Variants in CCSER1 observed in about 807,000 individuals in gnomAD.
The protein encoded by CCSER1 is coiled-coil serine rich protein 1, also known as serine-rich coiled-coil domain-containing protein 1.
CCSER1 carries 41 observed loss-of-function variants against 82.0 expected under a neutral mutation model. That is an observed-to-expected ratio of 0.50 (90% CI 0.39 to 0.65). The LOEUF is 0.65. Ranked by LOEUF, CCSER1 falls within the 30% of genes least tolerant of loss-of-function variation. The probability of loss-of-function intolerance (pLI) is 0.00; values close to 1 mark genes in which losing one functional copy is unlikely to be tolerated. For missense variants in CCSER1, 1,119 were observed against 1,064.2 expected (o/e 1.05, Z -0.72); for synonymous variants, 414 against 383.9 (o/e 1.08, Z -0.92).
intron 10 of CCSER1, among the ~76,000 whole-genome samples, chr4:91,154,860 A>G (rs1045251307): frequency 5.3e-5 from 8 of 151,968 alleles, no homozygotes; most frequent in African/African-American, 1.4e-4. Context: ...GAACTGCTAC[A>G]TGTACTATAT....
chr4:90,196,656 TAC>T (rs34346681), intron 1 of CCSER1, among the ~76,000 whole-genome samples: 47,761 of 143,734 alleles, frequency 0.33, 9,513 homozygotes, highest in Non-Finnish European at 0.45. Flanking sequence ...CCTGCTCAGA[TAC>T]ACACACACAC....
intron 6 of CCSER1, among the ~76,000 whole-genome samples, chr4:90,696,751 G>A (rs143834125): frequency 1.6e-3 from 250 of 152,136 alleles, no homozygotes; most frequent in African/African-American, 5.8e-3. Flanking sequence ...TTTAAGAGTG[G>A]GTTCTATTAC....
At chr4:90,504,407 G>T (rs1263158629) in intron 5 of CCSER1, among the ~76,000 whole-genome samples, 1 of 152,078 alleles carries the variant, frequency 6.6e-6, no homozygotes, top group African/African-American at 2.4e-5. Flanking sequence ...TTTATCTTAG[G>T]ACTCTAGCCA....
chr4:91,090,186 C>T (rs573789922), intron 10 of CCSER1, among the ~76,000 whole-genome samples: 44 of 152,208 alleles, frequency 2.9e-4, no homozygotes, highest in Admixed American at 1.4e-3. Context: ...CTTCATTTTT[C>T]GCGGGAAGCA....
At chr4:90,388,947 A>G (rs1362077340) in intron 3 of CCSER1, among the ~76,000 whole-genome samples, 2 of 152,204 alleles carry the variant, frequency 1.3e-5, no homozygotes, top group East Asian at 3.9e-4. Context: ...TATGATAAAT[A>G]TTAACTTATA....
chr4:90,772,723 A>C (rs1471648247), intron 7 of CCSER1, among the ~76,000 whole-genome samples: 2 of 152,192 alleles, frequency 1.3e-5, no homozygotes, highest in Non-Finnish European at 2.9e-5. Flanking sequence ...TTGTCTGTTA[A>C]AATTGATTTC....
chr4:90,683,410 C>T (rs535264794), intron 6 of CCSER1, among the ~76,000 whole-genome samples: 2 of 152,114 alleles, frequency 1.3e-5, no homozygotes, highest in East Asian at 1.9e-4. Context: ...GTTAATCCAT[C>T]TTATATACCC....
At chr4:90,773,520 T>C (rs1471156150) in intron 7 of CCSER1, among the ~76,000 whole-genome samples, 3 of 152,188 alleles carry the variant, frequency 2.0e-5, no homozygotes, top group Non-Finnish European at 4.4e-5. Flanking sequence ...GTGATTATTT[T>C]GTTTAATAAG....
At position 91,599,208 on chromosome 4, in the gene CCSER1, G is replaced by A. The variant is rs1257012452; in HGVS notation, c.*151G>A. 1 of 985,860 alleles carries A rather than the reference G, an allele frequency of 1.0e-6. No individual in the cohort carries two copies. Among genetic ancestry groups the A allele is most frequent in the East Asian group, 2.7e-5 (1 of 36,818 alleles). 61.1% of individuals were successfully genotyped at this position (985,860 alleles called of 1,614,324 possible). A position where few individuals can be genotyped will look rare whatever the true frequency, so the allele number is the denominator to read the frequency against. ...GTTTTTTTTCTTAGTCATAAACAAA[G>A]ACTTGTGGGTTTTTTTTTTCCAAGA... On this transcript the variant is annotated 3_prime_UTR_variant, in exon 11 of 11. Transcript: ENST00000509176.
At chr4:90,153,674 TA>T (rs1197074320) in intron 1 of CCSER1, among the ~76,000 whole-genome samples, 1 of 152,228 alleles carries the variant, frequency 6.6e-6, no homozygotes, top group Non-Finnish European at 1.5e-5. Flanking sequence ...TTTGGCTGCA[TA>T]AATGTCTTCT....
At chr4:90,250,447 C>T (rs1209370826) in intron 1 of CCSER1, among the ~76,000 whole-genome samples, 2 of 152,012 alleles carry the variant, frequency 1.3e-5, no homozygotes, top group African/African-American at 4.8e-5. Flanking sequence ...GTCCCTGGGT[C>T]TGGGACCATC....
chr4:90,433,981 C>A (rs1218932110), intron 4 of CCSER1, among the ~76,000 whole-genome samples: 1 of 151,760 alleles, frequency 6.6e-6, no homozygotes, highest in Non-Finnish European at 1.5e-5. Context: ...GGATTGTTAT[C>A]ATCTTTAAGT....
intron 10 of CCSER1, among the ~76,000 whole-genome samples, chr4:91,171,194 T>C (rs1732713411): frequency 6.6e-6 from 1 of 152,284 alleles, no homozygotes; most frequent in Admixed American, 6.5e-5. Flanking sequence ...TATGGACATA[T>C]ATTAAATATT....
Position 91,081,250 on chromosome 4 carries a change from C to G in CCSER1, c.2173-4700C>G, listed in dbSNP as rs1017061447. ...TCATCCCTGGGATGCAAGGCTGGTT[C>G]AACATATGCAAATCGATAAACGTAA... On this transcript the variant is annotated intron_variant, in intron 9 of 10. Coordinates refer to ENST00000509176, the MANE Select transcript of CCSER1 (RefSeq NM_001145065.2). 4.6e-5 allele frequency among the ~76,000 whole-genome samples: 7 copies of G among 152,112 alleles called. No homozygotes were observed. In the South Asian group the frequency reaches 6.2e-4, roughly 14 times the overall value.
At chr4:91,532,032 T>A (rs551429056) in intron 10 of CCSER1, among the ~76,000 whole-genome samples, 2 of 152,164 alleles carry the variant, frequency 1.3e-5, no homozygotes, top group African/African-American at 4.8e-5. Context: ...TGACATATTA[T>A]AGCCAATCAG....
At chr4:91,376,529 A>G (rs888375274) in intron 10 of CCSER1, among the ~76,000 whole-genome samples, 1 of 152,190 alleles carries the variant, frequency 6.6e-6, no homozygotes, top group African/African-American at 2.4e-5. Flanking sequence ...GATTGTACAT[A>G]AACCAGGAAA....
At chr4:91,549,656 G>T (rs1200692531) in intron 10 of CCSER1, among the ~76,000 whole-genome samples, 2 of 152,036 alleles carry the variant, frequency 1.3e-5, no homozygotes, top group Admixed American at 6.6e-5. Context: ...GGGCAACATG[G>T]CACAATCCCG....
chr4:90,848,881 T>C (rs1272731799), intron 8 of CCSER1, among the ~76,000 whole-genome samples: 2 of 152,218 alleles, frequency 1.3e-5, no homozygotes, highest in Non-Finnish European at 2.9e-5. Context: ...TTTATCACCT[T>C]TGCTCAACAC....
At chr4:90,855,490 A>T (rs72663664) in intron 8 of CCSER1, among the ~76,000 whole-genome samples, 3,568 of 152,288 alleles carry the variant, frequency 0.023, 76 homozygotes, top group Non-Finnish European at 0.034. Context: ...CTAAAGAAAA[A>T]ATGAAAAATA....
Sources: allele counts gnomAD v4.1 joint callset (sites outside exome capture counted in the v4.1 genomes callset), GRCh38; gene constraint gnomAD v4.1.1; transcripts MANE v1.5; gene names NCBI Gene and HGNC (gene_info 2026-07-23, HGNC 2026-07-21).